Variants in WDPCP observed in about 807,000 individuals in gnomAD.
WDPCP encodes the protein WD repeat-containing and planar cell polarity effector protein fritz homolog.
Under a neutral mutation model 93.1 loss-of-function variants are expected in WDPCP, and 71 were observed. The ratio of observed to expected loss-of-function variants is 0.76; its 90% confidence interval spans 0.63 to 0.93. WDPCP has a LOEUF of 0.93. WDPCP is among the 40% of genes least tolerant of loss of function. WDPCP has a pLI of 0.00. For synonymous variants in WDPCP, 315 were observed against 315.0 expected (o/e 1.00, Z 0.00); for missense variants, 844 against 887.4 (o/e 0.95, Z 0.62).
intron 13 of WDPCP, among the ~76,000 whole-genome samples, chr2:63,309,446 A>G (rs1313706360): frequency 6.6e-6 from 1 of 152,118 alleles, no homozygotes; most frequent in African/African-American, 2.4e-5. Context: ...GCATAAACCA[A>G]AGGGTTCAAG....
At chr2:63,190,291 A>T (rs888004344) in intron 14 of WDPCP, among the ~76,000 whole-genome samples, 1 of 151,806 alleles carries the variant, frequency 6.6e-6, no homozygotes, top group Non-Finnish European at 1.5e-5. Context: ...AAACTAGCCA[A>T]GCATGGTGGC....
chr2:63,800,624 T>C (rs1670681330), intron 2 of WDPCP, among the ~76,000 whole-genome samples: 1 of 152,080 alleles, frequency 6.6e-6, no homozygotes, highest in South Asian at 2.1e-4. Flanking sequence ...CTAGGCAGAG[T>C]ACTAATTTGG....
At chr2:63,485,097 G>A in intron 4 of WDPCP, 110 bp from the exon 5 acceptor site, 4 of 1,119,740 alleles carry the variant, frequency 3.6e-6, no homozygotes, top group Non-Finnish European at 5.3e-6. Context: ...TAATCGAGAG[G>A]AAGTGGGCTT....
chr2:63,135,898 T>C (rs570025171), intron 17 of WDPCP, among the ~76,000 whole-genome samples: 1 of 152,136 alleles, frequency 6.6e-6, no homozygotes, highest in African/African-American at 2.4e-5. Context: ...GTCTGGCTAA[T>C]TAAAAAAAAT....
intron 17 of WDPCP, among the ~76,000 whole-genome samples, chr2:63,145,865 T>G (rs1234577355): frequency 6.6e-6 from 1 of 152,256 alleles, no homozygotes; most frequent in African/African-American, 2.4e-5. Context: ...CATTTGTTTG[T>G]GTCATCTCTG....
chr2:63,818,463 T>C (rs1371631694), intron 1 of WDPCP, among the ~76,000 whole-genome samples: 1 of 152,056 alleles, frequency 6.6e-6, no homozygotes, highest in Non-Finnish European at 1.5e-5. Context: ...AGCCTGGAGA[T>C]GAGGAGAACA....
chr2:63,594,447 C>A, intron 3 of WDPCP: 1 of 1,293,834 alleles, frequency 7.7e-7, no homozygotes, highest in Non-Finnish European at 1.1e-6. Flanking sequence ...TTTTAAGGTA[C>A]AGTAGTACTT....
intron 3 of WDPCP, chr2:63,622,399 C>A: frequency 6.2e-7 from 1 of 1,613,580 alleles, no homozygotes; most frequent in Non-Finnish European, 8.5e-7. Flanking sequence ...AGACCAAATT[C>A]CTGGACAGCT....
At chr2:63,704,839 T>G (rs997084806) in intron 2 of WDPCP, among the ~76,000 whole-genome samples, 3 of 152,180 alleles carry the variant, frequency 2.0e-5, no homozygotes, top group Admixed American at 6.6e-5. Context: ...GATTTCCTCT[T>G]TTTCTATTGA....
chr2:63,596,278 A>G (rs1709310552), intron 3 of WDPCP, among the ~76,000 whole-genome samples: 1 of 152,244 alleles, frequency 6.6e-6, no homozygotes, highest in Admixed American at 6.5e-5. Context: ...CATACCTTCC[A>G]AGAAAAACTT....
upstream of WDPCP, chr2:63,590,195 A>C (rs1365794167): frequency 1.3e-5 from 2 of 152,218 alleles, no homozygotes; most frequent in Non-Finnish European, 2.9e-5. Context: ...AGAGGTACTT[A>C]TTATCTGATA....
intron 14 of WDPCP, among the ~76,000 whole-genome samples, chr2:63,231,912 G>T (rs936808619): frequency 2.6e-5 from 4 of 152,066 alleles, no homozygotes; most frequent in Admixed American, 2.0e-4. Context: ...GAGGCATCAC[G>T]TTACCTGACT....
At chr2:63,692,928 G>T (rs1486748597) in intron 2 of WDPCP, among the ~76,000 whole-genome samples, 2 of 152,086 alleles carry the variant, frequency 1.3e-5, no homozygotes, top group African/African-American at 4.8e-5. Context: ...ATTGAGCACT[G>T]GCTATGTGCT....
intron 12 of WDPCP, among the ~76,000 whole-genome samples, chr2:63,340,895 A>G (rs1166506495): frequency 2.6e-5 from 4 of 152,110 alleles, no homozygotes; most frequent in African/African-American, 4.8e-5. Flanking sequence ...AAATGTAGGC[A>G]TTTACCACTA....
chr2:63,734,089 T>C (rs1229316421), intron 2 of WDPCP, among the ~76,000 whole-genome samples: 1 of 152,216 alleles, frequency 6.6e-6, no homozygotes, highest in Non-Finnish European at 1.5e-5. Flanking sequence ...CAGTCCATTT[T>C]ATGGCAAAAC....
intron 14 of WDPCP, among the ~76,000 whole-genome samples, chr2:63,234,525 T>C (rs1322109239): frequency 6.6e-6 from 1 of 152,182 alleles, no homozygotes; most frequent in Non-Finnish European, 1.5e-5. Flanking sequence ...ATAATTTGGA[T>C]GGCAGTTGAG....
chr2:63,370,996 T>A (rs1005434978), intron 12 of WDPCP, among the ~76,000 whole-genome samples: 11 of 152,152 alleles, frequency 7.2e-5, no homozygotes, highest in Non-Finnish European at 1.3e-4. Context: ...GAGTCTTTCT[T>A]CTTTTCCAAG....
chr2:63,378,094 C>A, intron 12 of WDPCP: 1 of 349,138 alleles, frequency 2.9e-6, no homozygotes, highest in Non-Finnish European at 5.4e-6. Flanking sequence ...TTACTTAGTG[C>A]GAGTAGCACA....
intron 1 of WDPCP, among the ~76,000 whole-genome samples, chr2:63,571,164 G>A (rs1387664231): frequency 6.6e-6 from 1 of 152,018 alleles, no homozygotes; most frequent in Non-Finnish European, 1.5e-5. Flanking sequence ...GCCTGCCTCG[G>A]CCTCCCAAAG....
Sources: gnomAD v4.1 joint callset for allele counts (sites outside exome capture counted in the v4.1 genomes callset) on GRCh38, gnomAD v4.1.1 for gene constraint, MANE v1.5 for transcripts, NCBI Gene and HGNC (gene_info 2026-07-23, HGNC 2026-07-21) for gene names.